The following CLPTM1 variants were observed in gnomAD, a reference collection of about 807,000 sequenced individuals.
The protein encoded by CLPTM1 is putative lipid scramblase CLPTM1.
CLPTM1 carries 21 observed loss-of-function variants against 77.3 expected under a neutral mutation model. That is an observed-to-expected ratio of 0.27 (90% CI 0.19 to 0.39). The LOEUF (loss-of-function observed/expected upper bound fraction) is 0.39, where lower values mean the gene tolerates loss of function less well. CLPTM1 is among the 10% of genes least tolerant of loss of function. CLPTM1 has a pLI of 1.00. For synonymous variants in CLPTM1, 373 were observed against 381.0 expected, an observed-to-expected ratio of 0.98 and a Z score of 0.24; for missense variants, 642 against 921.2, an observed-to-expected ratio of 0.70 and a Z score of 3.92.
At chr19:44,974,995 A>G (rs1970783587) in intron 4 of CLPTM1, among the ~76,000 whole-genome samples, 1 of 152,168 alleles carries the variant, frequency 6.6e-6, no homozygotes, top group Non-Finnish European at 1.5e-5. Flanking sequence ...ACTCATGGAA[A>G]TTTCCCGGCA....
chr19:44,973,761 G>GT lies in CLPTM1; in HGVS notation c.309+571dup, dbSNP rs71173113. On this transcript the variant is annotated intron_variant, in intron 3 of 13. Coordinates refer to ENST00000337392, the MANE Select transcript of CLPTM1 (RefSeq NM_001294.4). ...GGAAGTTCTTGTTGGGTCACAGTGG[G>GT]TTTTTTTTTTTTTTTTTTTTGAGAT... is the stretch of plus-strand genomic sequence containing the variant. Among the ~76,000 whole-genome samples the GT allele has an allele frequency of 6.7e-4, 42 of 62,444 alleles. 2 individuals are homozygous for GT. The highest frequency in any genetic ancestry group is 1.5e-3 in the East Asian group (4 of 2,698). The allele number at this position is 62,444 out of a possible 152,430, so 41.0% of individuals were successfully genotyped here.
chr19:44,957,309 G>A lies in CLPTM1; in HGVS notation c.72+1842G>A, dbSNP rs555095514. ...AGCCCTCTTTGACTGTCTGGGCTCC[G>A]CTGTCCCAGCCCTGCCCTACTGGGT... On this transcript the variant is annotated intron_variant, in intron 1 of 13. Coordinates refer to ENST00000337392, the MANE Select transcript of CLPTM1 (RefSeq NM_001294.4). Among the ~76,000 whole-genome samples, 52 of 152,312 alleles carry A rather than the reference G, an allele frequency of 3.4e-4. No homozygotes were observed. In the East Asian group the frequency reaches 8.9e-3, roughly 26 times the overall value.
intron 5 of CLPTM1, among the ~76,000 whole-genome samples, chr19:44,980,382 G>A (rs565685777): frequency 6.6e-6 from 1 of 152,076 alleles, no homozygotes; most frequent in Non-Finnish European, 1.5e-5. Context: ...GGTGGCACAT[G>A]CCTGTAATCC....
At chr19:44,972,206 TGACTA>T (rs536807217) in intron 2 of CLPTM1, among the ~76,000 whole-genome samples, 145 of 151,898 alleles carry the variant, frequency 9.5e-4, no homozygotes, top group Non-Finnish European at 1.7e-3. Flanking sequence ...AAATTACTAT[TGACTA>T]GAGTTGCCGT....
At chr19:44,964,298 C>CT (rs35539206) in intron 2 of CLPTM1, among the ~76,000 whole-genome samples, 3,176 of 68,086 alleles carry the variant, frequency 0.047, 769 homozygotes, top group Non-Finnish European at 0.059. Context: ...TCATTTTAAC[C>CT]TTTTTTTTTT....
intron 5 of CLPTM1, among the ~76,000 whole-genome samples, chr19:44,982,039 G>A (rs747971413): frequency 2.0e-5 from 3 of 151,506 alleles, no homozygotes; most frequent in Non-Finnish European, 2.9e-5. Context: ...GTTTCCCCTT[G>A]TGTCAGTTTT....
intron 2 of CLPTM1, among the ~76,000 whole-genome samples, chr19:44,962,480 G>T (rs892914803): frequency 4.6e-5 from 7 of 152,120 alleles, no homozygotes; most frequent in African/African-American, 1.4e-4. Context: ...TTCTTCTGTG[G>T]CTTCTCTCCT....
At chr19:44,965,586 A>G (rs147501119) in intron 2 of CLPTM1, among the ~76,000 whole-genome samples, 3,312 of 151,194 alleles carry the variant, frequency 0.022, 128 homozygotes, top group African/African-American at 0.073. Context: ...GGCCAAGGCA[A>G]GCAGATCACG....
Position 44,991,336 on chromosome 19 carries a change from G to C in CLPTM1, c.1518G>C (p.Trp506Cys). 1 of 1,613,880 alleles carries C rather than the reference G, an allele frequency of 6.2e-7. No homozygotes were observed. Among genetic ancestry groups the C allele is most frequent in the Non-Finnish European group, 8.5e-7 (1 of 1,179,968 alleles). ...TGGAGCACAAGGGCTGGTACTCCTGGGTGCTCAGCATGCTCTACGGCTTCC... is the reference window on the plus strand; with the variant it reads ...TGGAGCACAAGGGCTGGTACTCCTGCGTGCTCAGCATGCTCTACGGCTTCC... ...LYLEHKGWYSWVLSMLYGFLL... is the reference protein window; with the variant it reads ...LYLEHKGWYSCVLSMLYGFLL... The change falls in exon 12 of 14, where the codon TGG becomes TGC. Residue 506 changes from tryptophan to cysteine, a missense_variant. Transcript: ENST00000337392. The surrounding 1 kb of genome is among the most constrained non-coding windows in gnomAD (Gnocchi z 5.4).
At chr19:44,956,274 C>T (rs1426743699) in intron 1 of CLPTM1, among the ~76,000 whole-genome samples, 2 of 152,194 alleles carry the variant, frequency 1.3e-5, no homozygotes, top group Non-Finnish European at 2.9e-5. Context: ...ATGAAGCTGA[C>T]TCTCTGTGTG....
At chr19:44,962,351 G>T (rs987924361) in intron 2 of CLPTM1, among the ~76,000 whole-genome samples, 1 of 152,116 alleles carries the variant, frequency 6.6e-6, no homozygotes, top group East Asian at 1.9e-4. Flanking sequence ...GAAGTAGTTT[G>T]CTAGGGCCCT....
chr19:44,955,028 G>C (rs748458194), upstream of CLPTM1: 11 of 1,535,616 alleles, frequency 7.2e-6, no homozygotes, highest in South Asian at 1.1e-4. Flanking sequence ...AAAAGGACGC[G>C]AAGAATCGGC....
chr19:44,987,429 T>C lies in CLPTM1; in HGVS notation c.1038+6T>C. 1 of 1,612,594 alleles carries C rather than the reference T, an allele frequency of 6.2e-7. No individual in the cohort carries two copies. The stretch of plus-strand genomic sequence containing the variant: ...AGGAGCAGGACTCGGTGAAGGTGAG[T>C]GCGGCCGGTGTGGGCGGGACTTCCC... On this transcript the variant is annotated splice_donor_region_variant and intron_variant, in intron 8 of 13. Transcript: ENST00000337392.
chr19:44,982,052 G>C (rs1409350233), intron 5 of CLPTM1, among the ~76,000 whole-genome samples: 2 of 151,350 alleles, frequency 1.3e-5, no homozygotes, highest in Admixed American at 1.3e-4. Context: ...TCAGTTTTCA[G>C]AATCTAGTGT....
chr19:44,980,372 G>A (rs1206444617), intron 5 of CLPTM1, among the ~76,000 whole-genome samples: 2 of 152,048 alleles, frequency 1.3e-5, no homozygotes, highest in African/African-American at 4.8e-5. Context: ...AGCTGGGCAT[G>A]GTGGCACATG....
chr19:44,986,361 T>C lies in CLPTM1; in HGVS notation c.673-94T>C. 5.4e-6 allele frequency: 8 copies of C among 1,475,022 alleles called. No individual in the cohort carries two copies. The South Asian group carries it at 1.0e-4, about 19-fold the overall frequency. The allele number at this position is 1,475,022 out of a possible 1,614,324, so 91.4% of individuals were successfully genotyped here. A position where few individuals can be genotyped will look rare whatever the true frequency, so the allele number is the denominator to read the frequency against. ...AAAAAAAGAAAGCAAAGATTAAGAT[T>C]TTCTCGGGAACCCTGGGGAGGAAGT... On this transcript the variant is annotated intron_variant, in intron 6 of 13. Transcript: ENST00000337392.
chr19:44,982,394 T>C (rs1970912601), intron 5 of CLPTM1, among the ~76,000 whole-genome samples: 1 of 152,004 alleles, frequency 6.6e-6, no homozygotes, highest in African/African-American at 2.4e-5. Flanking sequence ...ATAGCACTTC[T>C]TGGTTTGGAC....
intron 1 of CLPTM1, among the ~76,000 whole-genome samples, chr19:44,956,763 C>T (rs1970469989): frequency 6.6e-6 from 1 of 152,162 alleles, no homozygotes; most frequent in African/African-American, 2.4e-5. Context: ...CCTGAGCTTC[C>T]AGATGGCACT....
At position 44,992,929 on chromosome 19, in the gene CLPTM1, G is replaced by T; in HGVS notation, c.*32G>T. ...CTGGTCCTCACCTGCTCCGGCTCCT[G>T]GCGACCACTACCCCTGCGTCCCGGC... On this transcript the variant is annotated 3_prime_UTR_variant, in exon 14 of 14. Coordinates refer to ENST00000337392, the MANE Select transcript of CLPTM1 (RefSeq NM_001294.4). The surrounding 1 kb of genome is among the most constrained non-coding windows in gnomAD (Gnocchi z 7.7). 1 of 1,603,964 alleles carries T rather than the reference G, an allele frequency of 6.2e-7. No homozygotes were observed. Among genetic ancestry groups the T allele is most frequent in the Non-Finnish European group, 8.5e-7 (1 of 1,176,290 alleles).
Sources: allele counts gnomAD v4.1 joint callset (sites outside exome capture counted in the v4.1 genomes callset), GRCh38; gene constraint gnomAD v4.1.1; non-coding constraint Gnocchi (gnomAD v3.1); transcripts MANE v1.5; gene names NCBI Gene and HGNC (gene_info 2026-07-23, HGNC 2026-07-21).